Variants in FRMD3 observed in about 807,000 individuals in gnomAD.
FRMD3 encodes the protein FERM domain containing 3.
A neutral mutation model predicts 70.2 loss-of-function variants in FRMD3; 33 were observed. That is an observed-to-expected ratio of 0.47 (90% CI 0.36 to 0.63). The LOEUF (loss-of-function observed/expected upper bound fraction) is 0.63, where lower values mean the gene tolerates loss of function less well. Ranked by LOEUF, FRMD3 falls within the 20% of genes least tolerant of loss-of-function variation. FRMD3 has a pLI of 0.00. For missense variants in FRMD3, 632 were observed against 711.4 expected, an observed-to-expected ratio of 0.89 and a Z score of 1.27; for synonymous variants, 279 against 255.9, an observed-to-expected ratio of 1.09 and a Z score of -0.86.
intron 3 of FRMD3, among the ~76,000 whole-genome samples, chr9:83,371,753 CA>C (rs1824980966): frequency 6.6e-6 from 1 of 152,182 alleles, no homozygotes; most frequent in African/African-American, 2.4e-5. Flanking sequence ...TGCACTTGTG[CA>C]ATCTGAACCA....
the FRMD3 span, among the ~76,000 whole-genome samples, chr9:83,581,147 C>T: frequency 6.6e-6 from 1 of 151,968 alleles, no homozygotes; most frequent in Non-Finnish European, 1.5e-5. Context: ...AACAATTTAA[C>T]TTTTGTGCTT....
At chr9:83,481,615 T>C (rs1002072500) in intron 1 of FRMD3, among the ~76,000 whole-genome samples, 3 of 152,236 alleles carry the variant, frequency 2.0e-5, no homozygotes, top group African/African-American at 4.8e-5. Flanking sequence ...AATGGTACCA[T>C]AGTTTATTTA....
intron 1 of FRMD3, among the ~76,000 whole-genome samples, chr9:83,468,852 G>T (rs573821653): frequency 1.7e-4 from 26 of 152,338 alleles, no homozygotes; most frequent in South Asian, 8.3e-4. Flanking sequence ...GTGGAGAAGA[G>T]CAGGGAAGCT....
chr9:83,511,269 ACAATAATAGGTTCTGTTGATTTCCC>A, intron 1 of FRMD3, among the ~76,000 whole-genome samples: 1 of 152,230 alleles, frequency 6.6e-6, no homozygotes, highest in Middle Eastern at 3.2e-3. Context: ...GTACACACTC[ACAATAATAGGTTCTGTTGATTTCCC>A]CAGTAGCATA....
At chr9:83,470,117 T>C (rs1828232543) in intron 1 of FRMD3, among the ~76,000 whole-genome samples, 1 of 152,210 alleles carries the variant, frequency 6.6e-6, no homozygotes, top group Non-Finnish European at 1.5e-5. Flanking sequence ...AAGAATTTTT[T>C]TTAAATAAGG....
At chr9:83,532,142 T>C (rs1289367005) in intron 1 of FRMD3, among the ~76,000 whole-genome samples, 3 of 152,228 alleles carry the variant, frequency 2.0e-5, no homozygotes, top group African/African-American at 4.8e-5. Flanking sequence ...ATGAGGGCTA[T>C]GTTATTATTA....
intron 13 of FRMD3, among the ~76,000 whole-genome samples, chr9:83,259,846 G>A (rs990545082): frequency 4.6e-5 from 7 of 152,114 alleles, no homozygotes; most frequent in South Asian, 4.1e-4. Context: ...CTTGCTCTGG[G>A]AGGCATGCTG....
At chr9:83,469,068 T>A (rs1313871267) in intron 1 of FRMD3, among the ~76,000 whole-genome samples, 1 of 152,206 alleles carries the variant, frequency 6.6e-6, no homozygotes, top group African/African-American at 2.4e-5. Context: ...GCTGCCCCAA[T>A]ATGTTCTACA....
chr9:83,302,589 C>CCCTTCCTCCCTTCCCA (rs567791304), intron 10 of FRMD3, among the ~76,000 whole-genome samples: 132 of 152,222 alleles, frequency 8.7e-4, no homozygotes, highest in Middle Eastern at 3.4e-3. Flanking sequence ...ATAATAGTTT[C>CCCTTCCTCCCTTCCCA]CCTTCCTCCC....
At chr9:83,475,295 T>C (rs1308157965) in intron 1 of FRMD3, among the ~76,000 whole-genome samples, 1 of 152,052 alleles carries the variant, frequency 6.6e-6, no homozygotes, top group Non-Finnish European at 1.5e-5. Flanking sequence ...TATATATTCA[T>C]ATATATGAGT....
Position 83,313,517 on chromosome 9 carries a change from G to A in FRMD3, c.684+143C>T, listed in dbSNP as rs548262918. ...TCAGCTGCCAAAACATGTAACAGCA[G>A]CCCACTGTTGTCCCTTCCAATGAGG... On this transcript the variant is annotated intron_variant, in intron 7 of 13. Coordinates refer to ENST00000304195, the MANE Select transcript of FRMD3 (RefSeq NM_174938.6). 19 of 652,822 alleles carry A rather than the reference G, an allele frequency of 2.9e-5. No individual in the cohort carries two copies. The South Asian group carries it at 3.8e-4, about 13-fold the overall frequency. 40.4% of individuals were successfully genotyped at this position (652,822 alleles called of 1,614,324 possible).
intron 1 of FRMD3, among the ~76,000 whole-genome samples, chr9:83,519,927 A>G (rs1482955316): frequency 9.9e-5 from 15 of 152,114 alleles, no homozygotes; most frequent in Non-Finnish European, 1.9e-4. Context: ...CTCACTCATA[A>G]GTGGGAGTTG....
At chr9:83,394,925 T>G (rs1363423431) in intron 1 of FRMD3, among the ~76,000 whole-genome samples, 1 of 152,176 alleles carries the variant, frequency 6.6e-6, no homozygotes, top group Non-Finnish European at 1.5e-5. Flanking sequence ...CCTTCCATAA[T>G]GGGAGAATAA....
chr9:83,581,080 A>G, the FRMD3 span, among the ~76,000 whole-genome samples: 3 of 146,040 alleles, frequency 2.1e-5, no homozygotes, highest in Non-Finnish European at 4.5e-5. Context: ...TTCATATTAA[A>G]GGTTTACTTT....
intron 1 of FRMD3, among the ~76,000 whole-genome samples, chr9:83,485,837 G>T (rs1382617006): frequency 6.6e-6 from 1 of 152,016 alleles, no homozygotes; most frequent in South Asian, 2.1e-4. Context: ...TTGCTTATCT[G>T]TAAAAATTAG....
At chr9:83,272,276 GT>G (rs1182632667) in intron 13 of FRMD3, among the ~76,000 whole-genome samples, 35 of 145,984 alleles carry the variant, frequency 2.4e-4, no homozygotes, top group Non-Finnish European at 2.9e-4. Flanking sequence ...ACTGGTTTTC[GT>G]TTTTTTTTTT....
intron 1 of FRMD3, among the ~76,000 whole-genome samples, chr9:83,521,211 A>C (rs1829565012): frequency 6.6e-6 from 1 of 152,178 alleles, no homozygotes; most frequent in African/African-American, 2.4e-5. Flanking sequence ...ACTGAAGGTC[A>C]CAAGTTGTGA....
At chr9:83,574,318 T>C in the FRMD3 span, among the ~76,000 whole-genome samples, 1 of 152,146 alleles carries the variant, frequency 6.6e-6, no homozygotes, top group African/African-American at 2.4e-5. Flanking sequence ...TATACAAATG[T>C]GGAGGAAAAA....
chr9:83,521,068 G>A (rs1829561423), intron 1 of FRMD3, among the ~76,000 whole-genome samples: 1 of 149,152 alleles, frequency 6.7e-6, no homozygotes, highest in African/African-American at 2.5e-5. Context: ...GAACCTGGGA[G>A]ATGGAGGTTG....
Sources: gnomAD v4.1 joint callset for allele counts (sites outside exome capture counted in the v4.1 genomes callset) on GRCh38, gnomAD v4.1.1 for gene constraint, MANE v1.5 for transcripts, NCBI Gene and HGNC (gene_info 2026-07-23, HGNC 2026-07-21) for gene names.